SNX3: variants seen among roughly 807,000 people sequenced by gnomAD.
SNX3 encodes the protein sorting nexin-3.
In SNX3, 5 loss-of-function variants were observed where a neutral mutation model predicts 17.7. That is an observed-to-expected ratio of 0.28 (90% CI 0.15 to 0.59). SNX3 has a LOEUF of 0.59. SNX3 is among the 20% of genes least tolerant of loss of function. The probability of loss-of-function intolerance (pLI) is 0.88; values close to 1 mark genes in which losing one functional copy is unlikely to be tolerated. For missense variants in SNX3, 132 were observed against 206.8 expected (o/e 0.64, Z 2.22); for synonymous variants, 91 against 76.5 (o/e 1.19, Z -0.99).
chr6:108,223,164 A>C (rs928548800), intron 1 of SNX3, 119 bp from the exon 2 acceptor site: 21 of 623,868 alleles, frequency 3.4e-5, no homozygotes, highest in Non-Finnish European at 4.5e-5. Context: ...TTTGAGACAG[A>C]ATCTCCCTTT....
intron 1 of SNX3, among the ~76,000 whole-genome samples, chr6:108,240,091 C>T (rs1396031903): frequency 6.6e-6 from 1 of 152,164 alleles, no homozygotes; most frequent in African/African-American, 2.4e-5. Flanking sequence ...AAAAACTAGA[C>T]AAACATGTCA....
intron 2 of SNX3, among the ~76,000 whole-genome samples, chr6:108,221,466 A>T (rs1174049724): frequency 6.6e-6 from 1 of 151,978 alleles, no homozygotes; most frequent in Non-Finnish European, 1.5e-5. Flanking sequence ...TTTATAAAAT[A>T]AAAAAATCTT....
At chr6:108,256,972 A>C (rs113167190) in intron 1 of SNX3, among the ~76,000 whole-genome samples, 1 of 152,212 alleles carries the variant, frequency 6.6e-6, no homozygotes, top group African/African-American at 2.4e-5. Flanking sequence ...CCTCAAACCA[A>C]AAGATAAATG....
chr6:108,213,471 GCGAAACC>G (rs1774468243), intron 3 of SNX3, among the ~76,000 whole-genome samples: 1 of 151,602 alleles, frequency 6.6e-6, no homozygotes. Context: ...GGCCAACATG[GCGAAACC>G]CTGTCTCTAC....
intron 2 of SNX3, among the ~76,000 whole-genome samples, chr6:108,218,970 CTG>C (rs1284430002): frequency 6.6e-6 from 1 of 152,190 alleles, no homozygotes; most frequent in East Asian, 1.9e-4. Context: ...TTGCACAACT[CTG>C]TGAACATATT....
intron 1 of SNX3, among the ~76,000 whole-genome samples, chr6:108,245,497 T>A (rs1775660287): frequency 6.6e-6 from 1 of 152,208 alleles, no homozygotes. Flanking sequence ...GGTCAAATGG[T>A]ATTTCTGGTT....
intron 1 of SNX3, among the ~76,000 whole-genome samples, chr6:108,250,949 C>T (rs568828631): frequency 6.6e-6 from 1 of 152,158 alleles, no homozygotes; most frequent in Non-Finnish European, 1.5e-5. Context: ...TTAAGTGATT[C>T]TCTGCCAAGA....
intron 1 of SNX3, among the ~76,000 whole-genome samples, chr6:108,223,791 T>C (rs566931867): frequency 6.6e-6 from 1 of 152,156 alleles, no homozygotes; most frequent in Non-Finnish European, 1.5e-5. Flanking sequence ...CCTGAGCCAC[T>C]GCCTGGCCCA....
At chr6:108,219,543 G>A (rs1774690837) in intron 2 of SNX3, among the ~76,000 whole-genome samples, 1 of 152,200 alleles carries the variant, frequency 6.6e-6, no homozygotes, top group African/African-American at 2.4e-5. Context: ...AGGAGTTGGA[G>A]GATATTATAG....
At chr6:108,218,924 G>A (rs1393432654) in intron 2 of SNX3, among the ~76,000 whole-genome samples, 3 of 152,194 alleles carry the variant, frequency 2.0e-5, no homozygotes, top group African/African-American at 7.2e-5. Flanking sequence ...TGATAAAAAT[G>A]CTCTAAAATT....
intron 1 of SNX3, among the ~76,000 whole-genome samples, chr6:108,240,988 A>G (rs992691329): frequency 6.6e-6 from 1 of 151,754 alleles, no homozygotes; most frequent in Non-Finnish European, 1.5e-5. Context: ...TAAAAATACA[A>G]AAAATTAGCT....
intron 1 of SNX3, among the ~76,000 whole-genome samples, chr6:108,226,883 G>C (rs1187969976): frequency 6.6e-6 from 1 of 152,142 alleles, no homozygotes; most frequent in African/African-American, 2.4e-5. Flanking sequence ...TCTCACAAGA[G>C]ATTTAAAAGC....
At chr6:108,245,225 C>T (rs1354618104) in intron 1 of SNX3, among the ~76,000 whole-genome samples, 1 of 151,998 alleles carries the variant, frequency 6.6e-6, no homozygotes, top group African/African-American at 2.4e-5. Context: ...GTTTTCTGTT[C>T]CTGTGTTAGT....
At chr6:108,243,971 C>T (rs996755521) in intron 1 of SNX3, among the ~76,000 whole-genome samples, 2 of 152,164 alleles carry the variant, frequency 1.3e-5, no homozygotes, top group Non-Finnish European at 1.5e-5. Context: ...CAGAAAATTA[C>T]ATACCCTGCA....
rs768919012 is a variant in SNX3, at chr6:108,214,619, C to T, written c.262G>A (p.Val88Ile). Residue 88 changes from valine to isoleucine, a missense_variant, in exon 3 of 4, where the codon GTA becomes ATA. Physicochemically the swap from Val to Ile is conservative, Grantham distance 29. Around this residue, in one of 2 missense-constraint regions of SNX3, gnomAD observed 54 missense variants for 118.0 expected, o/e 0.46. Coordinates refer to ENST00000230085, the MANE Select transcript of SNX3 (RefSeq NM_003795.6). ...RSELERESKV[V>I]VPPLPGKAFL... Reference sequence around the variant, plus strand: ...GCTTTCCCAGGGAGCGGGGGAACTACGACCTAAAATGTGAAGACAGAAACT... The same window carrying T: ...GCTTTCCCAGGGAGCGGGGGAACTATGACCTAAAATGTGAAGACAGAAACT... 4 of 1,610,642 alleles carry T rather than the reference C, an allele frequency of 2.5e-6. No individual in the cohort carries two copies. Among genetic ancestry groups the T allele is most frequent in the African/African-American group, 1.3e-5 (1 of 74,598 alleles).
At chr6:108,222,901 T>C in intron 2 of SNX3, 49 bp downstream of exon 2, 1 of 1,068,630 alleles carries the variant, frequency 9.4e-7, no homozygotes, top group Non-Finnish European at 1.4e-6. Context: ...TATTAAACAT[T>C]AAAACTTGGA....
chr6:108,221,088 T>C (rs1774755914), intron 2 of SNX3, among the ~76,000 whole-genome samples: 1 of 152,206 alleles, frequency 6.6e-6, no homozygotes, highest in African/African-American at 2.4e-5. Flanking sequence ...TAAATAAATC[T>C]GCAACTTTAT....
intron 1 of SNX3, among the ~76,000 whole-genome samples, chr6:108,244,520 A>G (rs1422961960): frequency 6.6e-6 from 1 of 152,144 alleles, no homozygotes; most frequent in East Asian, 1.9e-4. Context: ...AATTATTTTA[A>G]GCATGTTTAA....
At chr6:108,219,196 T>TA (rs937135733) in intron 2 of SNX3, among the ~76,000 whole-genome samples, 4 of 151,934 alleles carry the variant, frequency 2.6e-5, no homozygotes, top group South Asian at 2.1e-4. Context: ...TAAAAATTTT[T>TA]AAAAAATGAA....
Sources: gnomAD v4.1 joint callset for allele counts (sites outside exome capture counted in the v4.1 genomes callset) on GRCh38, gnomAD v4.1.1 for gene constraint, gnomAD v4.1.1 regional missense constraint, MANE v1.5 for transcripts, NCBI Gene and HGNC (gene_info 2026-07-23, HGNC 2026-07-21) for gene names.